ZBBX: variants seen among roughly 807,000 people sequenced by gnomAD.
ZBBX encodes zinc finger B-box domain-containing protein 1.
In ZBBX, 101 loss-of-function variants were observed where a neutral mutation model predicts 108.5. The observed-to-expected ratio is 0.93, with a 90% CI of 0.79 to 1.10. The LOEUF (loss-of-function observed/expected upper bound fraction) is 1.10, where lower values mean the gene tolerates loss of function less well. Among genes scored for constraint, ZBBX ranks in the 50% least tolerant of loss-of-function variants. The pLI, the probability that ZBBX is intolerant of heterozygous loss-of-function variation, is 0.00. For synonymous variants in ZBBX, 356 were observed against 323.4 expected (o/e 1.10, Z -1.08); for missense variants, 1,009 against 941.4 (o/e 1.07, Z -0.94).
chr3:167,388,257 G>A (rs147464225), intron 1 of ZBBX, among the ~76,000 whole-genome samples: 1 of 151,990 alleles, frequency 6.6e-6, no homozygotes, highest in African/African-American at 2.4e-5. Context: ...GAACAAATGA[G>A]AGTGTGGTTT....
At chr3:167,391,418 T>C (rs1442072145) in intron 1 of ZBBX, among the ~76,000 whole-genome samples, 1 of 152,094 alleles carries the variant, frequency 6.6e-6, no homozygotes, top group Non-Finnish European at 1.5e-5. Flanking sequence ...TGCATCAATG[T>C]TCATCAGGGA....
intron 17 of ZBBX, among the ~76,000 whole-genome samples, chr3:167,299,438 T>C (rs182434938): frequency 3.3e-5 from 5 of 152,232 alleles, no homozygotes; most frequent in Admixed American, 3.3e-4. Flanking sequence ...CAGAATTCTT[T>C]CCACTCTACT....
the ZBBX span, among the ~76,000 whole-genome samples, chr3:167,181,292 C>T: frequency 3.0e-4 from 45 of 152,148 alleles, no homozygotes; most frequent in Non-Finnish European, 5.7e-4. Context: ...AGAACTTGTG[C>T]TCTCCATTGT....
At chr3:167,337,792 TGAATAA>T in intron 9 of ZBBX, among the ~76,000 whole-genome samples, 1 of 152,092 alleles carries the variant, frequency 6.6e-6, no homozygotes, top group Admixed American at 6.6e-5. Flanking sequence ...GTAACAACAA[TGAATAA>T]GAATATGAAG....
chr3:167,251,765 A>G (rs1317818211), intron 20 of ZBBX, among the ~76,000 whole-genome samples: 2 of 152,168 alleles, frequency 1.3e-5, no homozygotes. Context: ...TCAATATGGA[A>G]TCTGATGCAA....
intron 18 of ZBBX, among the ~76,000 whole-genome samples, chr3:167,293,559 G>T (rs1002389785): frequency 6.6e-6 from 1 of 152,036 alleles, no homozygotes; most frequent in African/African-American, 2.4e-5. Flanking sequence ...AATAATAAGA[G>T]ATATTTATGA....
chr3:167,339,829 G>A (rs370331076), intron 9 of ZBBX, among the ~76,000 whole-genome samples: 56 of 151,932 alleles, frequency 3.7e-4, no homozygotes, highest in African/African-American at 4.1e-4. Context: ...TGCCTCTCAC[G>A]CGTCGAAAGG....
chr3:167,301,303 C>A (rs1732630010), intron 17 of ZBBX, among the ~76,000 whole-genome samples: 1 of 152,090 alleles, frequency 6.6e-6, no homozygotes, highest in African/African-American at 2.4e-5. Context: ...GAGAGTAGAC[C>A]AGGAATTCAA....
chr3:167,201,909 C>T, the ZBBX span, among the ~76,000 whole-genome samples: 38 of 152,262 alleles, frequency 2.5e-4, no homozygotes, highest in African/African-American at 8.2e-4. Flanking sequence ...CATACACCAT[C>T]TTCATCTAAA....
Position 167,385,389 on chromosome 3 carries a change from G to A in ZBBX, c.-445-4984C>T, listed in dbSNP as rs114209701. 6.6e-3 allele frequency among the ~76,000 whole-genome samples: 1,005 copies of A among 152,070 alleles called. 6 individuals carry two copies. The highest frequency in any genetic ancestry group is 0.01 in the Non-Finnish European group (696 of 67,900). On this transcript the variant is annotated intron_variant, in intron 1 of 21. Coordinates refer to the ZBBX transcript ENST00000455345. ...GGAATACCTATATAGGGCACTTACC[G>A]TAATTAGAGTTGGCAGAACTGGAAG...
chr3:167,330,865 G>A lies in ZBBX; in HGVS notation c.688-2749C>T, dbSNP rs200479927. On this transcript the variant is annotated intron_variant, in intron 10 of 21. Coordinates refer to ENST00000675490, the MANE Select transcript of ZBBX (RefSeq NM_001199201.2). ...GGAAGAGGAGGAGGAGGAGGAGGAG[G>A]AGGAGGAGAAGAAGAAGAAGAAGAA... Among the ~76,000 whole-genome samples, 90 of 21,770 alleles carry A rather than the reference G, an allele frequency of 4.1e-3. 1 individual carries two copies. Among genetic ancestry groups the A allele is most frequent in the Middle Eastern group, 0.029 (1 of 34 alleles). The allele number at this position is 21,770 out of a possible 152,430, so 14.3% of individuals were successfully genotyped here.
chr3:167,213,698 C>T, the ZBBX span, among the ~76,000 whole-genome samples: 1 of 152,096 alleles, frequency 6.6e-6, no homozygotes, highest in African/African-American at 2.4e-5. Context: ...ACAGTGAACT[C>T]CTGCAAGATT....
intron 20 of ZBBX, among the ~76,000 whole-genome samples, chr3:167,250,578 A>G (rs995758114): frequency 4.6e-5 from 7 of 151,808 alleles, no homozygotes; most frequent in African/African-American, 1.7e-4. Context: ...CAAAATCCAA[A>G]TGGTCAACCG....
intron 1 of ZBBX, among the ~76,000 whole-genome samples, chr3:167,390,865 T>C (rs1242625852): frequency 6.6e-6 from 1 of 152,178 alleles, no homozygotes; most frequent in Non-Finnish European, 1.5e-5. Flanking sequence ...AAGTTGCTTA[T>C]CAGCTTAAGC....
intron 16 of ZBBX, among the ~76,000 whole-genome samples, chr3:167,312,367 A>T (rs1204947251): frequency 6.6e-6 from 1 of 152,158 alleles, no homozygotes; most frequent in African/African-American, 2.4e-5. Context: ...TATGTATCAC[A>T]TTATACTTTT....
rs1039359348 is a variant in ZBBX, at chr3:167,240,701, C to G, written c.*92G>C. ...TCAAAGACATTAGTAATCAAAATCT[C>G]CAGCACTTGGATAGGTAATCACTTG... On this transcript the variant is annotated 3_prime_UTR_variant, in exon 22 of 22. Transcript: ENST00000675490. 20 of 1,443,604 alleles carry G rather than the reference C, an allele frequency of 1.4e-5. No homozygotes were observed. In the South Asian group the frequency reaches 2.6e-4, roughly 19 times the overall value. 89.4% of individuals were successfully genotyped at this position (1,443,604 alleles called of 1,614,324 possible).
intron 20 of ZBBX, among the ~76,000 whole-genome samples, chr3:167,260,238 G>A (rs1238077829): frequency 6.6e-6 from 1 of 152,124 alleles, no homozygotes; most frequent in Admixed American, 6.6e-5. Flanking sequence ...TAGGTTACCT[G>A]GTGCTTCTGT....
chr3:167,396,333 T>A (rs991570069), intron 1 of ZBBX, among the ~76,000 whole-genome samples: 6 of 151,808 alleles, frequency 4.0e-5, no homozygotes, highest in African/African-American at 1.2e-4. Context: ...CCTGAGTGAT[T>A]GAGAGAATCA....
chr3:167,264,401 G>A (rs1267580190), intron 20 of ZBBX, among the ~76,000 whole-genome samples: 1 of 151,918 alleles, frequency 6.6e-6, no homozygotes, highest in African/African-American at 2.4e-5. Context: ...GTTCCCATGA[G>A]ACTTGCAAGT....
Sources: allele counts gnomAD v4.1 joint callset (sites outside exome capture counted in the v4.1 genomes callset), GRCh38; gene constraint gnomAD v4.1.1; transcripts MANE v1.5; gene names NCBI Gene and HGNC (gene_info 2026-07-23, HGNC 2026-07-21).